The following PSMC6 variants were observed in gnomAD, a reference collection of about 807,000 sequenced individuals.
PSMC6 encodes proteasome 26S subunit, ATPase 6.
Under a neutral mutation model 55.9 loss-of-function variants are expected in PSMC6, and 3 were observed. That is an observed-to-expected ratio of 0.05 (90% confidence interval 0.02 to 0.14). The LOEUF (loss-of-function observed/expected upper bound fraction) is 0.14. PSMC6 is among the 10% of genes least tolerant of loss of function. The pLI is 1.00. For synonymous variants in PSMC6, 137 were observed against 155.9 expected (o/e 0.88, Z 0.90); for missense variants, 210 against 478.7 (o/e 0.44, Z 5.24).
chr14:52,713,867 A>G lies in PSMC6; in HGVS notation c.442-14A>G, dbSNP rs752731084. The G allele has an allele frequency of 6.6e-7, 1 of 1,507,726 alleles. No individual in the cohort carries two copies. The highest frequency in any genetic ancestry group is 1.9e-5 in the Admixed American group (1 of 53,196). The allele number at this position is 1,507,726 out of a possible 1,614,324, so 93.4% of individuals were successfully genotyped here. On this transcript the variant is annotated splice_polypyrimidine_tract_variant and intron_variant, in intron 6 of 13. Transcript: ENST00000445930. ...TTGACTAACTTTTTAAGAAAGATTT[A>G]ACTTCTTTTCTAGGTGATAGAATTA...
intron 6 of PSMC6, among the ~76,000 whole-genome samples, chr14:52,711,973 C>T (rs966725680): frequency 2.0e-5 from 3 of 152,138 alleles, no homozygotes; most frequent in Non-Finnish European, 4.4e-5. Flanking sequence ...GCTGCCATTC[C>T]AGAAAACCAC....
rs1181896496 is a variant in PSMC6, at chr14:52,707,324, C to T, written c.85+20C>T. On this transcript the variant is annotated intron_variant, in intron 1 of 13. Coordinates refer to ENST00000445930, the MANE Select transcript of PSMC6 (RefSeq NM_002806.5). The stretch of plus-strand genomic sequence containing the variant: ...AGGAGTGTGAGTGCACCTTTCTTTC[C>T]ATTTAATCAAGTGCCTCGACTCGCT... 6.2e-7 allele frequency: 1 copy of T among 1,613,448 alleles called. No individual in the cohort carries two copies. Among genetic ancestry groups the T allele is most frequent in the African/African-American group, 1.3e-5 (1 of 75,056 alleles).
intron 10 of PSMC6, among the ~76,000 whole-genome samples, chr14:52,720,529 G>A (rs924118474): frequency 6.6e-6 from 1 of 151,690 alleles, no homozygotes; most frequent in African/African-American, 2.4e-5. Context: ...AAAAATAATT[G>A]ATGAAATTTT....
chr14:52,721,375 G>A (rs964619758), intron 12 of PSMC6, 185 bp downstream of exon 12: 2 of 518,002 alleles, frequency 3.9e-6, no homozygotes, highest in African/African-American at 2.0e-5. Flanking sequence ...TGTAAGGGCT[G>A]ACAATATAGC....
intron 7 of PSMC6, among the ~76,000 whole-genome samples, chr14:52,714,265 C>G (rs2041806135): frequency 6.6e-6 from 1 of 152,076 alleles, no homozygotes; most frequent in African/African-American, 2.4e-5. Context: ...ATCTCAAACT[C>G]CTGGACTCAA....
Position 52,707,314 on chromosome 14 carries a change from C to T in PSMC6, c.85+10C>T. 3 of 1,613,756 alleles carry T rather than the reference C, an allele frequency of 1.9e-6. No homozygotes were observed. Among genetic ancestry groups the T allele is most frequent in the Non-Finnish European group, 2.5e-6 (3 of 1,179,974 alleles). On this transcript the variant is annotated intron_variant, in intron 1 of 13. Coordinates refer to ENST00000445930, the MANE Select transcript of PSMC6 (RefSeq NM_002806.5). ...GGCCGTCTTAAGGAGTGTGAGTGCA[C>T]CTTTCTTTCCATTTAATCAAGTGCC...
intron 12 of PSMC6, chr14:52,722,869 A>G (rs1238672067): frequency 6.6e-6 from 1 of 152,194 alleles, no homozygotes; most frequent in Non-Finnish European, 1.5e-5. Context: ...ATGGCTTGCA[A>G]AGCATACAGT....
chr14:52,716,775 G>A (rs1300957338), intron 7 of PSMC6, among the ~76,000 whole-genome samples: 1 of 151,964 alleles, frequency 6.6e-6, no homozygotes, highest in Non-Finnish European at 1.5e-5. Context: ...AAAAAGAAAT[G>A]TGGTAAATAC....
chr14:52,710,534 T>A (rs2041760231), intron 4 of PSMC6: 2 of 152,826 alleles, frequency 1.3e-5, no homozygotes, highest in Non-Finnish European at 2.9e-5. Context: ...AAGAAATTAT[T>A]TAGTATGATT....
rs1479550485 is a variant in PSMC6 at position 52,711,104 on chromosome 14, G to C, written c.262G>C (p.Asp88His). Reference protein sequence around the residue: ...RYVVGCRRQLDKSKLKPGTRV... With the variant: ...RYVVGCRRQLHKSKLKPGTRV... ...ATCTTTTGTTTTACAAAACTAGCTT[G>C]ACAAAAGTAAGCTGAAGCCAGGAAC... Residue 88 changes from aspartate (D) to histidine (H), a missense_variant, in exon 5 of 14, where the codon GAC (aspartate) becomes CAC (histidine). This residue lies in a region of PSMC6 where 101 missense variants were observed against 250.4 expected (regional missense o/e 0.40). Transcript: ENST00000445930. The C allele has an allele frequency of 1.3e-6, 2 of 1,595,628 alleles. No individual in the cohort carries two copies. The highest frequency in any genetic ancestry group is 1.7e-6 in the Non-Finnish European group (2 of 1,169,364).
chr14:52,711,655 A>G (rs2041773874), intron 6 of PSMC6, 131 bp downstream of exon 6: 2 of 455,868 alleles, frequency 4.4e-6, no homozygotes, highest in South Asian at 5.1e-5. Flanking sequence ...TGTATTTACT[A>G]TTCTTGCTAA....
chr14:52,713,255 G>T (rs1486301541), intron 6 of PSMC6, among the ~76,000 whole-genome samples: 2 of 151,998 alleles, frequency 1.3e-5, no homozygotes, highest in African/African-American at 4.8e-5. Flanking sequence ...TTAAGTTACT[G>T]GTACTATAAG....
At chr14:52,712,192 C>T (rs2041780223) in intron 6 of PSMC6, among the ~76,000 whole-genome samples, 1 of 152,112 alleles carries the variant, frequency 6.6e-6, no homozygotes, top group South Asian at 2.1e-4. Flanking sequence ...AAGCTTTAAG[C>T]CAGTTCTCAT....
In PSMC6 at chr14:52,727,742, C is replaced by G; in HGVS notation, c.*125C>G. 1 of 557,556 alleles carries G rather than the reference C, an allele frequency of 1.8e-6. No homozygotes were observed. Among genetic ancestry groups the G allele is most frequent in the Non-Finnish European group, 3.1e-6 (1 of 324,148 alleles). 34.5% of individuals were successfully genotyped at this position (557,556 alleles called of 1,614,324 possible). A position where few individuals can be genotyped will look rare whatever the true frequency, so the allele number is the denominator to read the frequency against. The stretch of plus-strand genomic sequence containing the variant: ...AGTATATGAATAAAAATATGAGTAA[C>G]ATCATAAAAATTAGTAATTCAACTT... On this transcript the variant is annotated 3_prime_UTR_variant, in exon 14 of 14. Transcript: ENST00000445930.
chr14:52,709,585 A>C (rs1173417638), intron 4 of PSMC6: 1 of 456,010 alleles, frequency 2.2e-6, no homozygotes, highest in African/African-American at 2.0e-5. Context: ...GGCTCTGTGG[A>C]TGCCGAAAGT....
At chr14:52,721,063 T>A in intron 11 of PSMC6, 47 bp from the exon 12 acceptor site, 1 of 1,579,632 alleles carries the variant, frequency 6.3e-7, no homozygotes, top group Non-Finnish European at 8.6e-7. Flanking sequence ...TTCCACTGTA[T>A]TTTAAAAAAG....
At chr14:52,723,698 T>C in intron 12 of PSMC6, 1 of 589,226 alleles carries the variant, frequency 1.7e-6, no homozygotes, top group Non-Finnish European at 2.5e-6. Flanking sequence ...CATAGCTATT[T>C]CACTGTATAA....
intron 10 of PSMC6, 125 bp from the exon 11 acceptor site, chr14:52,720,736 C>A: frequency 1.4e-6 from 1 of 713,912 alleles, no homozygotes. Flanking sequence ...ATCAAATGAC[C>A]ATTCTGAAGA....
chr14:52,713,293 A>G (rs1172190214), intron 6 of PSMC6, among the ~76,000 whole-genome samples: 2 of 152,172 alleles, frequency 1.3e-5, no homozygotes, highest in African/African-American at 4.8e-5. Context: ...TCAGATCTTC[A>G]ATTTCTCTAG....
Sources: allele counts gnomAD v4.1 joint callset (sites outside exome capture counted in the v4.1 genomes callset), GRCh38; gene constraint gnomAD v4.1.1; regional missense constraint gnomAD v4.1.1; transcripts MANE v1.5; gene names NCBI Gene and HGNC (gene_info 2026-07-23, HGNC 2026-07-21).